The following PRKG1 variants were observed in gnomAD, a reference collection of about 807,000 sequenced individuals.
PRKG1 encodes the protein protein kinase cGMP-dependent 1, also known as cGMP-dependent protein kinase 1.
In PRKG1, 35 loss-of-function variants were observed where a neutral mutation model predicts 88.1. That is an observed-to-expected ratio of 0.40 (90% CI 0.30 to 0.53). PRKG1 has a LOEUF of 0.53. Ranked by LOEUF, PRKG1 falls within the 20% of genes least tolerant of loss-of-function variation. PRKG1 has a pLI of 0.59. For synonymous variants in PRKG1, 303 were observed against 292.5 expected (o/e 1.04, Z -0.37); for missense variants, 540 against 839.8 (o/e 0.64, Z 4.41).
intron 3 of PRKG1, among the ~76,000 whole-genome samples, chr10:51,740,307 G>A (rs1264508757): frequency 1.3e-5 from 2 of 152,206 alleles, no homozygotes; most frequent in African/African-American, 4.8e-5. Context: ...GGGATGACAG[G>A]CTGGAAACAT....
chr10:51,683,578 C>T (rs940239993), intron 3 of PRKG1, among the ~76,000 whole-genome samples: 1 of 152,104 alleles, frequency 6.6e-6, no homozygotes, highest in African/African-American at 2.4e-5. Flanking sequence ...GTTTTATAAG[C>T]ATAGGGTAAT....
chr10:52,065,638 T>A (rs1183527608), intron 7 of PRKG1, among the ~76,000 whole-genome samples: 1 of 152,216 alleles, frequency 6.6e-6, no homozygotes, highest in Non-Finnish European at 1.5e-5. Context: ...TCCTACTGAG[T>A]TCATTTTATC....
At chr10:52,113,307 T>C (rs1467283903) in intron 7 of PRKG1, among the ~76,000 whole-genome samples, 1 of 152,168 alleles carries the variant, frequency 6.6e-6, no homozygotes, top group Non-Finnish European at 1.5e-5. Flanking sequence ...TTATGTATCA[T>C]TGTATCTGTC....
chr10:52,093,490 CA>C (rs2133327117), intron 7 of PRKG1, among the ~76,000 whole-genome samples: 1 of 150,692 alleles, frequency 6.6e-6, no homozygotes, highest in Non-Finnish European at 1.5e-5. Flanking sequence ...GAAAAAACAC[CA>C]TGAAAGCAAG....
rs762764207 is a variant in PRKG1 at position 51,978,643 on chromosome 10, TG to T, written c.762+71074del. On this transcript the variant is annotated intron_variant, in intron 5 of 17. Coordinates refer to ENST00000373980, the MANE Select transcript of PRKG1 (RefSeq NM_006258.4). ...ATGTCATCTCTGATTTCTCTGTGAA[TG>T]TTTTGTATTTCTCCTTGTAGAGATT... 5.5e-4 allele frequency among the ~76,000 whole-genome samples: 84 copies of T among 152,090 alleles called. 2 individuals carry two copies. The highest frequency in any genetic ancestry group is 2.4e-3 in the Admixed American group (37 of 15,260).
chr10:51,034,521 G>A (rs373950433), intron 1 of PRKG1, among the ~76,000 whole-genome samples: 4 of 151,298 alleles, frequency 2.6e-5, no homozygotes, highest in South Asian at 2.1e-4. Context: ...TCATAAAATT[G>A]ACTTGTCATA....
intron 6 of PRKG1, among the ~76,000 whole-genome samples, chr10:52,056,102 A>G (rs893936178): frequency 3.3e-5 from 5 of 152,216 alleles, no homozygotes; most frequent in Admixed American, 3.3e-4. Flanking sequence ...AAAAGATATC[A>G]TGAAATGACA....
chr10:51,635,263 G>C (rs1839626899), intron 3 of PRKG1, among the ~76,000 whole-genome samples: 1 of 143,394 alleles, frequency 7.0e-6, no homozygotes, highest in Non-Finnish European at 1.5e-5. Flanking sequence ...GAAAGGAAAT[G>C]TGATGACCTT....
chr10:51,841,652 TAA>T (rs35867330), intron 4 of PRKG1, among the ~76,000 whole-genome samples: 18,496 of 151,378 alleles, frequency 0.12, 1,365 homozygotes, highest in African/African-American at 0.21. Context: ...CTGAATTTGT[TAA>T]AAAAAAAAGA....
intron 3 of PRKG1, among the ~76,000 whole-genome samples, chr10:51,586,688 A>G (rs1838182346): frequency 6.6e-6 from 1 of 152,190 alleles, no homozygotes; most frequent in South Asian, 2.1e-4. Flanking sequence ...AATTTACAAA[A>G]TAAGTTTTTT....
chr10:51,521,599 A>T (rs999680738), intron 3 of PRKG1, among the ~76,000 whole-genome samples: 8 of 152,162 alleles, frequency 5.3e-5, no homozygotes, highest in Non-Finnish European at 7.4e-5. Context: ...GGAAAATAAC[A>T]CTTCTGAACT....
chr10:51,292,916 T>C (rs1330003541), intron 2 of PRKG1, among the ~76,000 whole-genome samples: 5 of 152,126 alleles, frequency 3.3e-5, no homozygotes, highest in Non-Finnish European at 4.4e-5. Context: ...TTTATTCTTA[T>C]TTATTTCTCT....
intron 7 of PRKG1, among the ~76,000 whole-genome samples, chr10:52,133,311 C>A (rs1284003829): frequency 1.3e-5 from 2 of 152,042 alleles, no homozygotes; most frequent in Non-Finnish European, 2.9e-5. Flanking sequence ...TCTTGAAGAA[C>A]CATAACTTCT....
At chr10:51,207,131 G>A (rs535918649) in intron 2 of PRKG1, among the ~76,000 whole-genome samples, 1 of 152,276 alleles carries the variant, frequency 6.6e-6, no homozygotes, top group South Asian at 2.1e-4. Context: ...AAGTTGACAA[G>A]TCAGGCTGGG....
chr10:52,249,003 C>T (rs1423300043), intron 9 of PRKG1, among the ~76,000 whole-genome samples: 2 of 72,722 alleles, frequency 2.8e-5, no homozygotes, highest in African/African-American at 1.0e-4. Context: ...CCCCCTTCTC[C>T]CCCCGCCTCC....
chr10:51,083,120 C>A (rs959428189), intron 1 of PRKG1, among the ~76,000 whole-genome samples: 1 of 152,170 alleles, frequency 6.6e-6, no homozygotes, highest in Admixed American at 6.5e-5. Context: ...TGGAGCCAGG[C>A]AGCTTCAGCT....
chr10:51,518,186 T>C (rs974314997), intron 3 of PRKG1, among the ~76,000 whole-genome samples: 1 of 152,084 alleles, frequency 6.6e-6, no homozygotes, highest in Non-Finnish European at 1.5e-5. Context: ...TTTGTAGAGA[T>C]GGGGTTTCAC....
In PRKG1 at chr10:51,544,214, C is replaced by T. The variant is rs1309038711; in HGVS notation, c.592+76378C>T. Among the ~76,000 whole-genome samples the T allele has an allele frequency of 2.3e-5, 3 of 130,406 alleles. No homozygotes were observed. The East Asian group carries it at 8.5e-4, about 37-fold the overall frequency. 85.6% of individuals were successfully genotyped at this position (130,406 alleles called of 152,430 possible). A position where few individuals can be genotyped will look rare whatever the true frequency, so the allele number is the denominator to read the frequency against. On this transcript the variant is annotated intron_variant, in intron 3 of 17. Transcript: ENST00000373980. ...GCTATCCCTCCCCCCTCCCCCACCA[C>T]CCCAAAACAGGCCCCAGTGTGTGAT...
At chr10:51,546,017 G>A (rs1359387995) in intron 3 of PRKG1, among the ~76,000 whole-genome samples, 2 of 150,166 alleles carry the variant, frequency 1.3e-5, no homozygotes, top group African/African-American at 2.4e-5. Context: ...GTAACTCAGT[G>A]GTTAAATTAT....
Sources: gnomAD v4.1 joint callset for allele counts (sites outside exome capture counted in the v4.1 genomes callset) on GRCh38, gnomAD v4.1.1 for gene constraint, MANE v1.5 for transcripts, NCBI Gene and HGNC (gene_info 2026-07-23, HGNC 2026-07-21) for gene names.